The following TRIP12 variants were observed in gnomAD, a reference collection of about 807,000 sequenced individuals.
TRIP12 encodes thyroid hormone receptor interactor 12, also known as E3 ubiquitin-protein ligase TRIP12.
In TRIP12, 25 loss-of-function variants were observed where a neutral mutation model predicts 244.2. The ratio of observed to expected loss-of-function variants is 0.10; its 90% CI spans 0.07 to 0.14. The LOEUF (loss-of-function observed/expected upper bound fraction) is 0.14. Among genes scored for constraint, TRIP12 ranks in the 10% least tolerant of loss-of-function variants. The pLI is 1.00. For missense variants in TRIP12, 1,677 were observed against 2,486.4 expected, an observed-to-expected ratio of 0.67 and a Z score of 6.92; for synonymous variants, 905 against 873.1, an observed-to-expected ratio of 1.04 and a Z score of -0.64.
chr2:229,797,178 T>C (rs1008241518), intron 24 of TRIP12, among the ~76,000 whole-genome samples: 1 of 152,002 alleles, frequency 6.6e-6, no homozygotes, highest in Non-Finnish European at 1.5e-5. Flanking sequence ...AAATGAACAA[T>C]TTCTTGGAAA....
chr2:229,799,533 T>A, intron 21 of TRIP12, 150 bp from the exon 22 acceptor site: 3 of 663,210 alleles, frequency 4.5e-6, no homozygotes, highest in Non-Finnish European at 5.3e-6. Context: ...TCCCAGCACT[T>A]TGGGAGGCCG....
At chr2:229,803,747 G>C in intron 19 of TRIP12, 58 bp from the exon 20 acceptor site, 1 of 1,302,972 alleles carries the variant, frequency 7.7e-7, no homozygotes. Flanking sequence ...ATTATTTTTG[G>C]CCATACTACT....
chr2:229,863,250 G>GAA (rs1324109738), intron 2 of TRIP12, among the ~76,000 whole-genome samples: 3 of 122,576 alleles, frequency 2.4e-5, no homozygotes, highest in East Asian at 2.4e-4. Flanking sequence ...AAGAAAGAAA[G>GAA]AAAAAAAAAA....
At chr2:229,890,597 G>A (rs1576725570) in intron 1 of TRIP12, among the ~76,000 whole-genome samples, 1 of 152,316 alleles carries the variant, frequency 6.6e-6, no homozygotes, top group African/African-American at 2.4e-5. Flanking sequence ...TAAGGTGGGG[G>A]AAAGGAAGCA....
chr2:229,864,081 C>T (rs548064804), intron 2 of TRIP12, among the ~76,000 whole-genome samples: 13 of 145,388 alleles, frequency 8.9e-5, no homozygotes, highest in South Asian at 2.2e-4. Flanking sequence ...TGTGTGTGCA[C>T]GCGCACACGT....
chr2:229,871,424 C>T (rs1378696087), intron 2 of TRIP12, among the ~76,000 whole-genome samples: 1 of 152,196 alleles, frequency 6.6e-6, no homozygotes, highest in African/African-American at 2.4e-5. Context: ...ATGGATCCCT[C>T]ATGAATGGCT....
At chr2:229,857,765 C>T (rs2059841099) in intron 4 of TRIP12, among the ~76,000 whole-genome samples, 1 of 152,198 alleles carries the variant, frequency 6.6e-6, no homozygotes, top group Non-Finnish European at 1.5e-5. Flanking sequence ...CCAAAACTGA[C>T]TCATGAAGGA....
intron 25 of TRIP12, among the ~76,000 whole-genome samples, chr2:229,795,608 A>G (rs564552549): frequency 6.6e-6 from 1 of 152,318 alleles, no homozygotes; most frequent in African/African-American, 2.4e-5. Context: ...AACAGACATA[A>G]GGCTATTTAC....
upstream of TRIP12, chr2:229,922,134 A>C (rs1322204633): frequency 1.1e-5 from 2 of 179,074 alleles, no homozygotes; most frequent in Non-Finnish European, 1.2e-5. Flanking sequence ...ACCGCTGCCT[A>C]CTGGCGGCCC....
intron 6 of TRIP12, among the ~76,000 whole-genome samples, chr2:229,835,674 G>A (rs552451909): frequency 3.3e-5 from 5 of 152,164 alleles, no homozygotes; most frequent in Non-Finnish European, 7.3e-5. Flanking sequence ...GCAATGTAGT[G>A]TACACTGTAT....
At chr2:229,855,241 T>C (rs1276214753) in intron 4 of TRIP12, among the ~76,000 whole-genome samples, 2 of 152,140 alleles carry the variant, frequency 1.3e-5, no homozygotes. Context: ...CATTCCAGCC[T>C]GCGCAACACA....
Position 229,805,826 on chromosome 2 carries a change from T to C in TRIP12, c.2554A>G (p.Thr852Ala), listed in dbSNP as rs768253892. 33 of 1,609,646 alleles carry C rather than the reference T, an allele frequency of 2.1e-5. No individual in the cohort carries two copies. The South Asian group carries it at 3.6e-4, about 18-fold the overall frequency. The change falls in exon 18 of 42, where the codon ACT becomes GCT. Residue 852 changes from threonine (T) to alanine (A), a missense_variant. By Grantham distance (58) the Thr-to-Ala change is moderately conservative. Around this residue, in one of 11 missense-constraint regions of TRIP12, gnomAD observed 572 missense variants for 867.8 expected, o/e 0.66. Coordinates refer to ENST00000675903, the MANE Select transcript of TRIP12 (RefSeq NM_001348323.3). ...ISLSTLGRVY[T>A]IDFNSMQQIN... is the part of the protein sequence containing the mutation. ...TGCTGCATAGAATTAAAATCAATAGTATAAACTCGTCCCAGAGTGGACAAG... is the reference window on the plus strand; with the variant it reads ...TGCTGCATAGAATTAAAATCAATAGCATAAACTCGTCCCAGAGTGGACAAG...
chr2:229,849,078 T>G (rs1335761320), intron 4 of TRIP12, among the ~76,000 whole-genome samples: 1 of 152,176 alleles, frequency 6.6e-6, no homozygotes, highest in Non-Finnish European at 1.5e-5. Flanking sequence ...CCAGGCATAA[T>G]GAACAACCAT....
At chr2:229,923,106 C>G (rs576486970), upstream of TRIP12, 1 of 154,344 alleles carries the variant, frequency 6.5e-6, no homozygotes, top group African/African-American at 2.4e-5. Flanking sequence ...CACATCAAAA[C>G]TTAGTTATTT....
chr2:229,865,318 CAAAA>C (rs767610234), intron 2 of TRIP12, among the ~76,000 whole-genome samples: 3 of 66,996 alleles, frequency 4.5e-5, no homozygotes, highest in African/African-American at 2.3e-4. Flanking sequence ...CTCTCAACTA[CAAAA>C]AAAAAAAAAA....
rs1201184745 is a variant in TRIP12 at position 229,805,870 on chromosome 2, A to G, written c.2510T>C (p.Val837Ala). Residue 837 changes from valine to alanine, a missense_variant, in exon 18 of 42, where the codon GTC (valine) becomes GCC (alanine). Physicochemically the swap from Val to Ala is moderately conservative, Grantham distance 64. Transcript: ENST00000675903. ...DSRIIEAAHQ[V>A]GEDEISLSTL... ...GGACAAGCTTATCTCATCCTCACCGACCTGATGGGCTGCCTGAGAGCAAAG... is the reference window on the plus strand; with the variant it reads ...GGACAAGCTTATCTCATCCTCACCGGCCTGATGGGCTGCCTGAGAGCAAAG... The G allele has an allele frequency of 1.9e-6, 3 of 1,567,426 alleles. No homozygotes were observed. Among genetic ancestry groups the G allele is most frequent in the Admixed American group, 1.7e-5 (1 of 57,838 alleles).
intron 13 of TRIP12, among the ~76,000 whole-genome samples, chr2:229,811,927 G>T (rs1022833522): frequency 6.6e-6 from 1 of 152,110 alleles, no homozygotes; most frequent in Non-Finnish European, 1.5e-5. Context: ...AACCTTCACT[G>T]ACACTACATA....
intron 4 of TRIP12, among the ~76,000 whole-genome samples, chr2:229,845,994 T>G (rs2057491783): frequency 7.4e-6 from 1 of 135,304 alleles, no homozygotes; most frequent in Non-Finnish European, 1.5e-5. Context: ...GGGTGACAGA[T>G]CGAGAGCCTC....
chr2:229,808,137 T>C lies in TRIP12; in HGVS notation c.2339+115A>G, dbSNP rs1180467523. ...GCCCGCCACTACGCCCAGGTAATTT[T>C]TTGTATTTTTAGTAGAGACGGGTTT... On this transcript the variant is annotated intron_variant, in intron 16 of 41. Transcript: ENST00000675903. 9 of 821,938 alleles carry C rather than the reference T, an allele frequency of 1.1e-5. No individual in the cohort carries two copies. The East Asian group carries it at 2.1e-4, about 19-fold the overall frequency. The allele number at this position is 821,938 out of a possible 1,614,324, so 50.9% of individuals were successfully genotyped here.
Sources: gnomAD v4.1 joint callset for allele counts (sites outside exome capture counted in the v4.1 genomes callset) on GRCh38, gnomAD v4.1.1 for gene constraint, gnomAD v4.1.1 regional missense constraint, MANE v1.5 for transcripts, NCBI Gene and HGNC (gene_info 2026-07-23, HGNC 2026-07-21) for gene names.